Variants in FAM169A observed in about 807,000 individuals in gnomAD.
FAM169A encodes soluble lamin-associated protein of 75 kDa.
Under a neutral mutation model 75.7 loss-of-function variants are expected in FAM169A, and 24 were observed. That is an observed-to-expected ratio of 0.32 (90% confidence interval 0.23 to 0.45). The LOEUF (loss-of-function observed/expected upper bound fraction) is 0.45. FAM169A is among the 20% of genes least tolerant of loss of function. FAM169A has a pLI of 1.00. For missense variants in FAM169A, 673 were observed against 784.0 expected (o/e 0.86, Z 1.69); for synonymous variants, 271 against 271.0 (o/e 1.00, Z 0.00).
At chr5:74,860,920 G>A (rs188763976) in intron 1 of FAM169A, among the ~76,000 whole-genome samples, 10 of 150,882 alleles carry the variant, frequency 6.6e-5, no homozygotes, top group East Asian at 2.0e-4. Flanking sequence ...GGCGGATCAC[G>A]AGGTCAGGAG....
intron 11 of FAM169A, among the ~76,000 whole-genome samples, chr5:74,789,415 A>G (rs925288699): frequency 6.6e-6 from 1 of 152,234 alleles, no homozygotes. Flanking sequence ...TACAACCAAG[A>G]AAGAGGCACA....
Position 74,796,095 on chromosome 5 carries a change from T to C in FAM169A, c.1195A>G (p.Ser399Gly), listed in dbSNP as rs767219294. 3 of 1,614,202 alleles carry C rather than the reference T, an allele frequency of 1.9e-6. No homozygotes were observed. Among genetic ancestry groups the C allele is most frequent in the Middle Eastern group, 1.6e-4 (1 of 6,062 alleles). ...QRGIEFEDES[S>G]DRDARPALET... Reference sequence around the variant, plus strand: ...AGTGCTGGCCGTGCATCTCTATCACTGCTTTCATCCTCAAATTCAATCCCT... The same window carrying C: ...AGTGCTGGCCGTGCATCTCTATCACCGCTTTCATCCTCAAATTCAATCCCT... The change falls in exon 11 of 13, where the codon AGT becomes GGT. Residue 399 changes from serine (S) to glycine (G), a missense_variant. This residue lies in a region of FAM169A where 510 missense variants were observed against 550.9 expected (regional missense o/e 0.93). Coordinates refer to ENST00000687041, the MANE Select transcript of FAM169A (RefSeq NM_001376049.1).
chr5:74,787,848 C>T (rs1745772889), intron 11 of FAM169A, among the ~76,000 whole-genome samples: 1 of 151,930 alleles, frequency 6.6e-6, no homozygotes, highest in African/African-American at 2.4e-5. Flanking sequence ...TGGAAAACTT[C>T]CAGGTCGAGT....
chr5:74,848,723 T>G (rs913518999), intron 1 of FAM169A: 2 of 151,892 alleles, frequency 1.3e-5, no homozygotes, highest in African/African-American at 4.8e-5. Context: ...CTTGGAATTG[T>G]TTTTTTTGTT....
At position 74,780,269 on chromosome 5, in the gene FAM169A, A is replaced by ACTGCCTATAT. The variant is rs1251862187; in HGVS notation, c.*1190_*1191insATATAGGCAG. ...GCCCTTGTAACCACAGCTCCCCCAA[A>ACTGCCTATAT]GGCAGTTTACCCCTGCCATATAGGT... On this transcript the variant is annotated 3_prime_UTR_variant, in exon 13 of 13. Coordinates refer to ENST00000687041, the MANE Select transcript of FAM169A (RefSeq NM_001376049.1). 1 of 152,194 alleles carries ACTGCCTATAT rather than the reference A, an allele frequency of 6.6e-6. No individual in the cohort carries two copies. The highest frequency in any genetic ancestry group is 1.5e-5 in the Non-Finnish European group (1 of 68,078). The allele number at this position is 152,194 out of a possible 1,614,324, so 9.4% of individuals were successfully genotyped here.
chr5:74,799,536 C>G lies in FAM169A; in HGVS notation c.1103+1344G>C. 3 of 1,547,542 alleles carry G rather than the reference C, an allele frequency of 1.9e-6. No homozygotes were observed. The South Asian group carries it at 3.3e-5, about 17-fold the overall frequency. ...TTAAAGAAGTGGATGAAAAGCTGGCCAGCATGCCCTGGGACAGCAAGATGC... is the reference window on the plus strand; with the variant it reads ...TTAAAGAAGTGGATGAAAAGCTGGCGAGCATGCCCTGGGACAGCAAGATGC... On this transcript the variant is annotated intron_variant, in intron 10 of 12. Transcript: ENST00000687041.
chr5:74,855,333 C>A (rs1167294222), intron 1 of FAM169A, among the ~76,000 whole-genome samples: 1 of 152,098 alleles, frequency 6.6e-6, no homozygotes, highest in Non-Finnish European at 1.5e-5. Context: ...GTAGCTGGGA[C>A]GACAGGTATG....
chr5:74,857,574 A>G (rs1249512856), intron 1 of FAM169A, among the ~76,000 whole-genome samples: 9 of 62,202 alleles, frequency 1.4e-4, no homozygotes, highest in Admixed American at 3.7e-4. Flanking sequence ...TGCCGCGGGA[A>G]AAAAAAAAAA....
intron 8 of FAM169A, among the ~76,000 whole-genome samples, chr5:74,803,898 T>C (rs1746717291): frequency 6.6e-6 from 1 of 152,194 alleles, no homozygotes; most frequent in African/African-American, 2.4e-5. Context: ...TAATTACATA[T>C]ACACAAGGAT....
chr5:74,857,135 A>C (rs1414810937), intron 1 of FAM169A, among the ~76,000 whole-genome samples: 3 of 147,908 alleles, frequency 2.0e-5, no homozygotes, highest in Admixed American at 6.8e-5. Flanking sequence ...AAAAAATCAC[A>C]CTGCAAAACT....
chr5:74,801,053 T>C, intron 9 of FAM169A, 23 bp from the exon 10 acceptor site: 1 of 1,499,476 alleles, frequency 6.7e-7, no homozygotes, highest in Non-Finnish European at 8.9e-7. Flanking sequence ...ACAGCAAAAC[T>C]GCACTTAATT....
At chr5:74,836,700 C>A (rs926659256) in intron 4 of FAM169A, among the ~76,000 whole-genome samples, 24 of 152,156 alleles carry the variant, frequency 1.6e-4, no homozygotes, top group African/African-American at 4.8e-4. Context: ...GTAATCCCAG[C>A]ACTGTGGGAG....
intron 1 of FAM169A, among the ~76,000 whole-genome samples, chr5:74,842,207 G>A (rs180946853): frequency 1.3e-5 from 2 of 151,572 alleles, no homozygotes; most frequent in East Asian, 1.9e-4. Context: ...TGGATCATGA[G>A]GTCAGGAGTT....
chr5:74,781,404 T>G lies in FAM169A; in HGVS notation c.*56A>C. On this transcript the variant is annotated 3_prime_UTR_variant, in exon 13 of 13. Transcript: ENST00000687041. ...ATGCTGTTTATTAATTACCATATTT[T>G]AAAAACAACAACTATGTTACAAAGA... 6.6e-7 allele frequency: 1 copy of G among 1,521,188 alleles called. No homozygotes were observed. The highest frequency in any genetic ancestry group is 8.9e-7 in the Non-Finnish European group (1 of 1,121,648). The allele number at this position is 1,521,188 out of a possible 1,614,324, so 94.2% of individuals were successfully genotyped here.
At chr5:74,827,416 A>C (rs1748091236) in intron 5 of FAM169A, among the ~76,000 whole-genome samples, 1 of 152,016 alleles carries the variant, frequency 6.6e-6, no homozygotes. Flanking sequence ...TCCTGATGTA[A>C]TATTTTTATG....
chr5:74,825,821 G>A (rs2218517), intron 5 of FAM169A, among the ~76,000 whole-genome samples: 28,090 of 152,040 alleles, frequency 0.18, 3,039 homozygotes, highest in Non-Finnish European at 0.24. Context: ...ACTTTATGGA[G>A]GCTTTCAAAA....
intron 6 of FAM169A, among the ~76,000 whole-genome samples, chr5:74,805,599 C>T (rs981925771): frequency 2.2e-5 from 3 of 137,502 alleles, no homozygotes; most frequent in East Asian, 2.2e-4. Flanking sequence ...GGCGCGATCT[C>T]GGCTCACTGC....
intron 6 of FAM169A, among the ~76,000 whole-genome samples, chr5:74,809,615 TA>T (rs1747069756): frequency 6.6e-6 from 1 of 151,912 alleles, no homozygotes; most frequent in Non-Finnish European, 1.5e-5. Context: ...ACATAACTCA[TA>T]ACTCAATAAG....
At chr5:74,798,304 A>C (rs1234986519) in intron 10 of FAM169A, among the ~76,000 whole-genome samples, 1 of 152,236 alleles carries the variant, frequency 6.6e-6, no homozygotes, top group Non-Finnish European at 1.5e-5. Flanking sequence ...AGTCAAGCAT[A>C]AACTCCTAAC....
Sources: allele counts gnomAD v4.1 joint callset (sites outside exome capture counted in the v4.1 genomes callset), GRCh38; gene constraint gnomAD v4.1.1; regional missense constraint gnomAD v4.1.1; transcripts MANE v1.5; gene names NCBI Gene and HGNC (gene_info 2026-07-23, HGNC 2026-07-21).